The following EDARADD variants were observed in gnomAD, a reference collection of about 807,000 sequenced individuals.
The protein encoded by EDARADD is EDAR associated via death domain, also known as ectodysplasin-A receptor-associated adapter protein.
In EDARADD, 20 loss-of-function variants were observed where a neutral mutation model predicts 25.6. That is an observed-to-expected ratio of 0.78 (90% CI 0.55 to 1.14). The LOEUF (loss-of-function observed/expected upper bound fraction) is 1.14, where lower values mean the gene tolerates loss of function less well. Ranked by LOEUF, EDARADD falls within the 50% of genes most tolerant of loss-of-function variation. The pLI is 0.00. For missense variants in EDARADD, 225 were observed against 270.1 expected (o/e 0.83, Z 1.17); for synonymous variants, 86 against 94.4 (o/e 0.91, Z 0.52).
chr1:236,420,697 A>T (rs1387710889), intron 3 of EDARADD, among the ~76,000 whole-genome samples: 1 of 152,180 alleles, frequency 6.6e-6, no homozygotes, highest in Non-Finnish European at 1.5e-5. Flanking sequence ...TAGTAAAATG[A>T]CAGACGAATG....
intron 3 of EDARADD, among the ~76,000 whole-genome samples, chr1:236,378,701 G>A (rs1437551064): frequency 2.0e-5 from 3 of 152,106 alleles, no homozygotes; most frequent in Non-Finnish European, 4.4e-5. Flanking sequence ...GATATATTTT[G>A]CAATCTTCAT....
chr1:236,391,034 C>T (rs1667421270), upstream of EDARADD, among the ~76,000 whole-genome samples: 1 of 152,120 alleles, frequency 6.6e-6, no homozygotes, highest in African/African-American at 2.4e-5. Context: ...GCAACCTCCC[C>T]CTCCTGGGTT....
At chr1:236,408,078 G>T (rs143207880) in intron 1 of EDARADD, among the ~76,000 whole-genome samples, 50 of 152,354 alleles carry the variant, frequency 3.3e-4, no homozygotes, top group African/African-American at 1.2e-3. Flanking sequence ...AGGCAAGAGA[G>T]TCATTAATGT....
At chr1:236,361,300 T>C (rs1211467309) in intron 3 of EDARADD, among the ~76,000 whole-genome samples, 1 of 133,168 alleles carries the variant, frequency 7.5e-6, no homozygotes, top group Non-Finnish European at 1.6e-5. Flanking sequence ...TTGTTTTATA[T>C]TTTATCTTAT....
At chr1:236,447,178 TTCTTTCTTTCTTTC>T (rs1658571202) in intron 4 of EDARADD, among the ~76,000 whole-genome samples, 3 of 79,236 alleles carry the variant, frequency 3.8e-5, no homozygotes, top group African/African-American at 1.9e-4. Flanking sequence ...CCCTCTTTCT[TTCTTTCTTTCTTTC>T]TTTCTTTCTT....
In EDARADD at chr1:236,484,536, G is replaced by T; in HGVS notation, c.*1887G>T. 1 of 1,319,058 alleles carries T rather than the reference G, an allele frequency of 7.6e-7. No individual in the cohort carries two copies. The highest frequency in any genetic ancestry group is 1.2e-5 in the South Asian group (1 of 82,934). The allele number at this position is 1,319,058 out of a possible 1,614,324, so 81.7% of individuals were successfully genotyped here. A position where few individuals can be genotyped will look rare whatever the true frequency, so the allele number is the denominator to read the frequency against. ...AGACCCCTCCCCTTGTGTCAACTCC[G>T]GCAGCTCAAGACCCCCGAGCAACAT... On this transcript the variant is annotated 3_prime_UTR_variant, in exon 6 of 6. Transcript: ENST00000334232. The surrounding 1 kb of genome is among the most constrained non-coding windows in gnomAD (Gnocchi z 4.1).
At chr1:236,428,574 G>C (rs1657991831) in intron 4 of EDARADD, among the ~76,000 whole-genome samples, 1 of 117,480 alleles carries the variant, frequency 8.5e-6, no homozygotes, top group East Asian at 2.1e-4. Context: ...TCACTTCCCA[G>C]ACTGGGCTGC....
intron 4 of EDARADD, among the ~76,000 whole-genome samples, chr1:236,457,547 G>A (rs748094847): frequency 1.6e-4 from 24 of 150,810 alleles, no homozygotes; most frequent in South Asian, 6.3e-4. Flanking sequence ...AAGGCCAGGC[G>A]CAGTGGCTCA....
chr1:236,385,048 C>A (rs1176795296), intron 3 of EDARADD, among the ~76,000 whole-genome samples: 2 of 144,480 alleles, frequency 1.4e-5, no homozygotes, highest in Non-Finnish European at 3.0e-5. Context: ...AAATTTGTAT[C>A]TGGTTGGGTT....
Position 236,442,236 on chromosome 1 carries a change from G to A in EDARADD, c.219+14786G>A, listed in dbSNP as rs1005592248. ...CACCTCCGGGGTTCAAGTGATTTTC[G>A]TGCCTCCACCTCCCAAGTAGCTGTG... On this transcript the variant is annotated intron_variant, in intron 4 of 5. Coordinates refer to ENST00000334232, the MANE Select transcript of EDARADD (RefSeq NM_145861.4). 6.0e-5 allele frequency among the ~76,000 whole-genome samples: 9 copies of A among 151,206 alleles called. No individual in the cohort carries two copies. In the East Asian group the frequency reaches 1.4e-3, roughly 23 times the overall value.
At position 236,482,995 on chromosome 1, in the gene EDARADD, A is replaced by C. The variant is rs1480453092; in HGVS notation, c.*346A>C. 8.2e-6 allele frequency: 5 copies of C among 612,718 alleles called. No homozygotes were observed. The highest frequency in any genetic ancestry group is 1.4e-5 in the Non-Finnish European group (5 of 349,674). 38.0% of individuals were successfully genotyped at this position (612,718 alleles called of 1,614,324 possible). On this transcript the variant is annotated 3_prime_UTR_variant, in exon 6 of 6. Transcript: ENST00000334232. ...ACGGTAAAGATTTAAATAGGTCCTG[A>C]GACTGTTGATAGCCCCAGACATACC...
intron 3 of EDARADD, among the ~76,000 whole-genome samples, chr1:236,415,356 T>G (rs952676290): frequency 2.0e-5 from 3 of 152,200 alleles, no homozygotes; most frequent in African/African-American, 7.2e-5. Context: ...ACACTTATGC[T>G]TTAGGCATGG....
At chr1:236,481,711 G>A (rs147503240) in intron 5 of EDARADD, among the ~76,000 whole-genome samples, 81 of 151,268 alleles carry the variant, frequency 5.4e-4, no homozygotes, top group African/African-American at 1.8e-3. Context: ...CCTGGAGGGC[G>A]GAGGTTGCAG....
chr1:236,453,572 G>A (rs1658771355), intron 4 of EDARADD, among the ~76,000 whole-genome samples: 2 of 152,124 alleles, frequency 1.3e-5, no homozygotes, highest in Non-Finnish European at 2.9e-5. Context: ...CACCATGCCT[G>A]GCCGAGATTC....
In EDARADD at chr1:236,405,790, T is replaced by TTTCTTTCTTTCTTTC. The variant is rs750188716; in HGVS notation, c.62-3424_62-3423insCTTTCTTTCTTTCTT. On this transcript the variant is annotated intron_variant, in intron 1 of 5. Transcript: ENST00000334232. ...CTTTCTTTCTTTCTTTCTTTCTTTC[T>TTTCTTTCTTTCTTTC]TTTCTTTTTCTTTCTTTCTTTCCTT... Among the ~76,000 whole-genome samples, 12 of 49,582 alleles carry TTTCTTTCTTTCTTTC rather than the reference T, an allele frequency of 2.4e-4. 1 individual carries two copies. The highest frequency in any genetic ancestry group is 7.4e-4 in the African/African-American group (11 of 14,892). The allele number at this position is 49,582 out of a possible 152,430, so 32.5% of individuals were successfully genotyped here. A position where few individuals can be genotyped will look rare whatever the true frequency, so the allele number is the denominator to read the frequency against.
chr1:236,385,055 G>A (rs1188500204), intron 3 of EDARADD, among the ~76,000 whole-genome samples: 3 of 141,944 alleles, frequency 2.1e-5, no homozygotes, highest in Non-Finnish European at 4.5e-5. Flanking sequence ...TATCTGGTTG[G>A]GTTTATCAGA....
At chr1:236,407,683 G>A (rs1667762558) in intron 1 of EDARADD, among the ~76,000 whole-genome samples, 1 of 149,770 alleles carries the variant, frequency 6.7e-6, no homozygotes. Flanking sequence ...TTAGGGTACT[G>A]CAGGTCGTTC....
chr1:236,473,944 TA>T (rs1659429434), intron 5 of EDARADD, among the ~76,000 whole-genome samples: 1 of 152,090 alleles, frequency 6.6e-6, no homozygotes, highest in African/African-American at 2.4e-5. Flanking sequence ...AATCAAAACC[TA>T]ACATCTTTAA....
exon 3 of EDARADD, chr1:236,350,732 A>T (rs1666906230): frequency 6.6e-6 from 1 of 152,228 alleles, no homozygotes; most frequent in African/African-American, 2.4e-5. Flanking sequence ...AGCTCCAAGC[A>T]TTCTGAGCTC....
Sources: gnomAD v4.1 joint callset for allele counts (sites outside exome capture counted in the v4.1 genomes callset) on GRCh38, gnomAD v4.1.1 for gene constraint, Gnocchi (gnomAD v3.1) non-coding constraint, MANE v1.5 for transcripts, NCBI Gene and HGNC (gene_info 2026-07-23, HGNC 2026-07-21) for gene names.